Variants in ATP8B1 observed in about 807,000 individuals in gnomAD.
ATP8B1 encodes the protein phospholipid-transporting ATPase IC.
Under a neutral mutation model 149.9 loss-of-function variants are expected in ATP8B1, and 80 were observed. That is an observed-to-expected ratio of 0.53 (90% CI 0.45 to 0.64). The LOEUF is 0.64. ATP8B1 is among the 30% of genes least tolerant of loss of function. ATP8B1 has a pLI of 0.00. For synonymous variants in ATP8B1, 536 were observed against 562.8 expected (o/e 0.95, Z 0.67); for missense variants, 1,247 against 1,552.6 (o/e 0.80, Z 3.31).
Position 57,648,607 on chromosome 18 carries a change from G to A in ATP8B1, c.3637C>T (p.His1213Tyr). The change falls in exon 28 of 28, where the codon CAC becomes TAC. Residue 1213 changes from histidine to tyrosine, a missense_variant. By Grantham distance (83) the His-to-Tyr change is moderately conservative. This residue lies in a region of ATP8B1 where 164 missense variants were observed against 160.3 expected (regional missense o/e 1.02). Transcript: ENST00000648908. ...STRRSAYAFS[H>Y]QRGYADLISS... ...ATGAGGTCCGCGTAGCCCCGCTGGT[G>A]CGAGAAGGCGTAGGCCGAGCGCCGC... 6.2e-7 allele frequency: 1 copy of A among 1,610,708 alleles called. No individual in the cohort carries two copies. Among genetic ancestry groups the A allele is most frequent in the Non-Finnish European group, 8.5e-7 (1 of 1,179,576 alleles).
At chr18:57,752,782 AT>A (rs2080035272) in intron 1 of ATP8B1, among the ~76,000 whole-genome samples, 1 of 152,192 alleles carries the variant, frequency 6.6e-6, no homozygotes, top group Non-Finnish European at 1.5e-5. Flanking sequence ...CTAAAACATC[AT>A]TGAAAAGTAG....
At chr18:57,766,579 A>C (rs983844758) in intron 1 of ATP8B1, among the ~76,000 whole-genome samples, 1 of 152,192 alleles carries the variant, frequency 6.6e-6, no homozygotes, top group Non-Finnish European at 1.5e-5. Context: ...AGCACATATG[A>C]AAATCCTCTG....
In ATP8B1 at chr18:57,768,781, G is replaced by A. The variant is rs75845691; in HGVS notation, c.-26+34217C>T. ...ATAGAAGTGGAAATTGATGCAAGGA[G>A]GAAATGAGTTATGCTGTAAAATGAA... is the stretch of plus-strand genomic sequence containing the variant. On this transcript the variant is annotated intron_variant, in intron 1 of 27. Transcript: ENST00000648908. Among the ~76,000 whole-genome samples, 1,247 of 152,256 alleles carry A rather than the reference G, an allele frequency of 8.2e-3. 21 individuals are homozygous for A. The highest frequency in any genetic ancestry group is 0.028 in the African/African-American group (1,153 of 41,534).
chr18:57,796,136 C>A (rs1372881439), intron 1 of ATP8B1, among the ~76,000 whole-genome samples: 1 of 152,070 alleles, frequency 6.6e-6, no homozygotes, highest in Admixed American at 6.6e-5. Flanking sequence ...CCACTGCATT[C>A]CAGCCTGCAT....
intron 12 of ATP8B1, 174 bp from the exon 13 acceptor site, chr18:57,688,681 T>C (rs1912382292): frequency 2.9e-6 from 2 of 691,516 alleles, no homozygotes; most frequent in East Asian, 2.8e-5. Context: ...TTCAACAGTA[T>C]TGAGGTGGGG....
At chr18:57,776,410 C>T (rs992920699) in intron 1 of ATP8B1, among the ~76,000 whole-genome samples, 1 of 152,178 alleles carries the variant, frequency 6.6e-6, no homozygotes, top group Non-Finnish European at 1.5e-5. Flanking sequence ...CGTTTAATGA[C>T]CTTCACCTTG....
At chr18:57,656,903 GCAAATCT>G (rs1910042144) in intron 22 of ATP8B1, among the ~76,000 whole-genome samples, 1 of 152,002 alleles carries the variant, frequency 6.6e-6, no homozygotes, top group African/African-American at 2.4e-5. Context: ...GGTTCCTGGT[GCAAATCT>G]ATGTCCTTGT....
At chr18:57,674,419 T>C (rs693933) in intron 16 of ATP8B1, among the ~76,000 whole-genome samples, 115,837 of 142,974 alleles carry the variant, frequency 0.81, 47,082 homozygotes, top group East Asian at 0.91. Flanking sequence ...GAGTCTTGCT[T>C]TATCGCCCAG....
rs1317556178 is a variant in ATP8B1, at chr18:57,701,377, T to C, written c.394-64A>G. 12 of 1,399,558 alleles carry C rather than the reference T, an allele frequency of 8.6e-6. 1 individual carries two copies. Among genetic ancestry groups the C allele is most frequent in the South Asian group, 4.7e-5 (4 of 85,488 alleles). 86.7% of individuals were successfully genotyped at this position (1,399,558 alleles called of 1,614,324 possible). On this transcript the variant is annotated intron_variant, in intron 4 of 27. Transcript: ENST00000648908. ...GCATATCAAGCTTACAGGTAACTTA[T>C]TGCTAATTCTAAGCTTGCTAATTCC...
chr18:57,707,034 C>T (rs186878460), intron 2 of ATP8B1, among the ~76,000 whole-genome samples: 7 of 152,172 alleles, frequency 4.6e-5, no homozygotes, highest in Non-Finnish European at 8.8e-5. Flanking sequence ...AGGCCGGGCG[C>T]GGTGGCTCAC....
intron 22 of ATP8B1, among the ~76,000 whole-genome samples, chr18:57,660,340 T>C (rs1209226971): frequency 6.6e-6 from 1 of 152,162 alleles, no homozygotes; most frequent in African/African-American, 2.4e-5. Flanking sequence ...GTGCTAAACA[T>C]GTTACTCTAA....
intron 1 of ATP8B1, among the ~76,000 whole-genome samples, chr18:57,772,097 G>A (rs2080268879): frequency 6.6e-6 from 1 of 152,126 alleles, no homozygotes; most frequent in South Asian, 2.1e-4. Flanking sequence ...GTTCAAACCT[G>A]TAATTTTGTT....
chr18:57,646,479 T>A lies in ATP8B1; in HGVS notation c.*2009A>T, dbSNP rs78208201. 6.6e-6 allele frequency: 1 copy of A among 151,610 alleles called. No homozygotes were observed. Among genetic ancestry groups the A allele is most frequent in the East Asian group, 1.9e-4 (1 of 5,166 alleles). 9.4% of individuals were successfully genotyped at this position (151,610 alleles called of 1,614,324 possible). On this transcript the variant is annotated 3_prime_UTR_variant, in exon 28 of 28. Transcript: ENST00000648908. ...CAAAGATTTTACTAAATCATTTTTT[T>A]AAACAAAATATACATTAAATCTCAG... is the stretch of plus-strand genomic sequence containing the variant.
chr18:57,759,803 A>G (rs2080129890), intron 1 of ATP8B1, among the ~76,000 whole-genome samples: 1 of 149,790 alleles, frequency 6.7e-6, no homozygotes, highest in Admixed American at 6.7e-5. Flanking sequence ...TGGGAGACAG[A>G]GCGAGACTCC....
At position 57,780,945 on chromosome 18, in the gene ATP8B1, T is replaced by A. The variant is rs1022110222; in HGVS notation, c.-26+22053A>T. 3.9e-5 allele frequency among the ~76,000 whole-genome samples: 6 copies of A among 152,200 alleles called. 1 individual carries two copies. The highest frequency in any genetic ancestry group is 3.9e-4 in the Admixed American group (6 of 15,276). ...GAATTTCTACAGAAGACAATTTCCTTGTCTCAGCAAGGTATGTATGATATA... is the reference window on the plus strand; with the variant it reads ...GAATTTCTACAGAAGACAATTTCCTAGTCTCAGCAAGGTATGTATGATATA... On this transcript the variant is annotated intron_variant, in intron 1 of 27. Transcript: ENST00000648908.
chr18:57,692,108 A>C, intron 11 of ATP8B1, 111 bp from the exon 12 acceptor site: 1 of 1,483,644 alleles, frequency 6.7e-7, no homozygotes, highest in South Asian at 1.3e-5. Context: ...AGAATTTAGT[A>C]GTCTGAAAAA....
intron 1 of ATP8B1, among the ~76,000 whole-genome samples, chr18:57,770,852 C>T (rs991866554): frequency 1.3e-5 from 2 of 152,190 alleles, no homozygotes; most frequent in Admixed American, 6.5e-5. Context: ...CTTCTAGAAA[C>T]ATGGATGTGA....
chr18:57,695,076 TC>T, intron 10 of ATP8B1, 94 bp downstream of exon 10: 1 of 1,165,084 alleles, frequency 8.6e-7, no homozygotes, highest in South Asian at 1.3e-5. Context: ...CTATTACTCT[TC>T]TTTTGGTTTT....
At chr18:57,798,417 A>G (rs543877826) in intron 1 of ATP8B1, among the ~76,000 whole-genome samples, 4 of 151,554 alleles carry the variant, frequency 2.6e-5, no homozygotes, top group African/African-American at 9.7e-5. Flanking sequence ...CTCTACAAAA[A>G]AAAAAATAGA....
Sources: gnomAD v4.1 joint callset for allele counts (sites outside exome capture counted in the v4.1 genomes callset) on GRCh38, gnomAD v4.1.1 for gene constraint, gnomAD v4.1.1 regional missense constraint, MANE v1.5 for transcripts, NCBI Gene and HGNC (gene_info 2026-07-23, HGNC 2026-07-21) for gene names.